SUGCT: variants seen among roughly 807,000 people sequenced by gnomAD.
SUGCT encodes succinyl-CoA:glutarate CoA-transferase.
A neutral mutation model predicts 55.0 loss-of-function variants in SUGCT; 41 were observed. The observed-to-expected ratio is 0.74, with a 90% CI of 0.58 to 0.97. The LOEUF (loss-of-function observed/expected upper bound fraction) is 0.97, where lower values mean the gene tolerates loss of function less well. SUGCT is among the 50% of genes least tolerant of loss of function. The probability of loss-of-function intolerance (pLI) is 0.00; values close to 1 mark genes in which losing one functional copy is unlikely to be tolerated. For synonymous variants in SUGCT, 187 were observed against 200.4 expected (o/e 0.93, Z 0.56); for missense variants, 568 against 547.8 (o/e 1.04, Z -0.37).
intron 9 of SUGCT, among the ~76,000 whole-genome samples, chr7:40,386,301 G>A (rs562974799): frequency 7.7e-4 from 117 of 152,242 alleles, no homozygotes; most frequent in Middle Eastern, 3.4e-3. Context: ...GTCTCGAGCC[G>A]TAATTCTTTT....
intron 7 of SUGCT, among the ~76,000 whole-genome samples, chr7:40,271,446 T>C (rs1385123787): frequency 1.3e-5 from 2 of 152,160 alleles, no homozygotes; most frequent in Non-Finnish European, 2.9e-5. Context: ...TGTTCTTCAT[T>C]TTAGGGGAAA....
chr7:40,861,708 A>C (rs1328818754), downstream of SUGCT, among the ~76,000 whole-genome samples: 1 of 152,272 alleles, frequency 6.6e-6, no homozygotes, highest in African/African-American at 2.4e-5. Context: ...AGAATGAAGA[A>C]TTCCAAACAA....
intron 6 of SUGCT, among the ~76,000 whole-genome samples, chr7:40,223,542 CAT>C (rs1243547141): frequency 6.6e-6 from 1 of 152,212 alleles, no homozygotes; most frequent in African/African-American, 2.4e-5. Flanking sequence ...AGGGCCACCA[CAT>C]GTTTTACATG....
At chr7:40,221,034 A>G (rs978877271) in intron 6 of SUGCT, among the ~76,000 whole-genome samples, 3 of 152,208 alleles carry the variant, frequency 2.0e-5, no homozygotes, top group Non-Finnish European at 4.4e-5. Context: ...ATATGGTTAG[A>G]TCCCGTCTAA....
Position 40,245,061 on chromosome 7 carries a change from T to G in SUGCT, c.576+7335T>G, listed in dbSNP as rs143781535. 6.7e-3 allele frequency among the ~76,000 whole-genome samples: 1,012 copies of G among 152,060 alleles called. 10 individuals are homozygous for G. The highest frequency in any genetic ancestry group is 0.023 in the African/African-American group (943 of 41,466). ...TAGTCTTCCTCTTTAAACTTTTTTTTTTGTTGTTGTTGAGACAGAGTCTTG... is the reference window on the plus strand; with the variant it reads ...TAGTCTTCCTCTTTAAACTTTTTTTGTTGTTGTTGTTGAGACAGAGTCTTG... On this transcript the variant is annotated intron_variant, in intron 7 of 13. Transcript: ENST00000335693.
At chr7:40,534,281 G>A (rs773600616) in intron 12 of SUGCT, among the ~76,000 whole-genome samples, 1 of 152,054 alleles carries the variant, frequency 6.6e-6, no homozygotes, top group Non-Finnish European at 1.5e-5. Context: ...TAATTCTAAG[G>A]ACATTGATCT....
chr7:40,871,677 C>T, the SUGCT span, among the ~76,000 whole-genome samples: 9 of 151,640 alleles, frequency 5.9e-5, no homozygotes, highest in Admixed American at 5.9e-4. Flanking sequence ...CCCCCGCCCC[C>T]ACCCCGCCAG....
intron 12 of SUGCT, among the ~76,000 whole-genome samples, chr7:40,618,511 A>G (rs918096750): frequency 6.6e-6 from 1 of 152,228 alleles, no homozygotes; most frequent in African/African-American, 2.4e-5. Context: ...GGAACTTGAA[A>G]GGAGATATTC....
intron 6 of SUGCT, among the ~76,000 whole-genome samples, chr7:40,217,017 CT>C (rs1167223580): frequency 6.6e-6 from 1 of 152,010 alleles, no homozygotes; most frequent in African/African-American, 2.4e-5. Context: ...TTTCCCCCCC[CT>C]CAGTCTTATA....
At chr7:40,289,973 G>T (rs1198515945) in intron 8 of SUGCT, among the ~76,000 whole-genome samples, 2 of 152,146 alleles carry the variant, frequency 1.3e-5, no homozygotes, top group African/African-American at 4.8e-5. Flanking sequence ...TCTTCAAGGA[G>T]AACTACAAAC....
chr7:40,323,809 G>A (rs1162797456), intron 9 of SUGCT, among the ~76,000 whole-genome samples: 2 of 152,114 alleles, frequency 1.3e-5, no homozygotes, highest in Non-Finnish European at 2.9e-5. Context: ...GGTGGATATG[G>A]CCAGAAGAAA....
At chr7:40,149,556 G>A (rs1788439767) in intron 1 of SUGCT, among the ~76,000 whole-genome samples, 1 of 152,120 alleles carries the variant, frequency 6.6e-6, no homozygotes, top group African/African-American at 2.4e-5. Flanking sequence ...TGGGAGGCAA[G>A]TGGATCAATT....
the SUGCT span, among the ~76,000 whole-genome samples, chr7:40,956,768 T>C: frequency 2.0e-5 from 3 of 152,318 alleles, no homozygotes; most frequent in East Asian, 1.9e-4. Flanking sequence ...GCTATAAATT[T>C]CCCTCTCAAC....
intron 9 of SUGCT, among the ~76,000 whole-genome samples, chr7:40,431,291 T>G (rs1284383694): frequency 6.6e-6 from 1 of 152,184 alleles, no homozygotes; most frequent in Non-Finnish European, 1.5e-5. Flanking sequence ...TATTTTCCAC[T>G]GGTCTGTGTG....
chr7:40,774,209 C>A (rs1789335042), intron 13 of SUGCT, among the ~76,000 whole-genome samples: 1 of 151,958 alleles, frequency 6.6e-6, no homozygotes, highest in Non-Finnish European at 1.5e-5. Flanking sequence ...AATAGCCATC[C>A]CTCTGAAAGT....
intron 12 of SUGCT, among the ~76,000 whole-genome samples, chr7:40,739,774 C>G (rs968606124): frequency 6.6e-6 from 1 of 152,114 alleles, no homozygotes; most frequent in Non-Finnish European, 1.5e-5. Flanking sequence ...GTCTGTCTCT[C>G]TGCCAATATG....
chr7:40,460,747 C>T (rs1340209812), intron 11 of SUGCT, among the ~76,000 whole-genome samples: 2 of 152,196 alleles, frequency 1.3e-5, no homozygotes, highest in South Asian at 4.1e-4. Context: ...TGCCATTTTC[C>T]CTCTTTGGGG....
intron 13 of SUGCT, among the ~76,000 whole-genome samples, chr7:40,776,313 A>G (rs867825403): frequency 2.2e-4 from 34 of 151,830 alleles, no homozygotes; most frequent in African/African-American, 7.3e-4. Flanking sequence ...CAGAAGGGAG[A>G]CTCCAGCCTT....
intron 13 of SUGCT, among the ~76,000 whole-genome samples, chr7:40,848,037 G>C (rs189421962): frequency 6.6e-6 from 1 of 152,124 alleles, no homozygotes; most frequent in Non-Finnish European, 1.5e-5. Flanking sequence ...AAACAAGGGC[G>C]TGCCAATTAT....
Sources: allele counts gnomAD v4.1 joint callset (sites outside exome capture counted in the v4.1 genomes callset), GRCh38; gene constraint gnomAD v4.1.1; transcripts MANE v1.5; gene names NCBI Gene and HGNC (gene_info 2026-07-23, HGNC 2026-07-21).